Variants in CLIP1 observed in about 807,000 individuals in gnomAD.
CLIP1 encodes CAP-Gly domain containing linker protein 1, also known as CAP-Gly domain-containing linker protein 1.
A neutral mutation model predicts 161.6 loss-of-function variants in CLIP1; 66 were observed. That is an observed-to-expected ratio of 0.41 (90% CI 0.33 to 0.50). CLIP1 has a LOEUF of 0.50. Ranked by LOEUF, CLIP1 falls within the 20% of genes least tolerant of loss-of-function variation. The pLI, the probability that CLIP1 is intolerant of heterozygous loss-of-function variation, is 0.27. For synonymous variants in CLIP1, 598 were observed against 626.2 expected, an observed-to-expected ratio of 0.96 and a Z score of 0.67; for missense variants, 1,376 against 1,702.0, an observed-to-expected ratio of 0.81 and a Z score of 3.37.
chr12:122,336,692 C>T lies in CLIP1; in HGVS notation c.2508G>A (p.Gln836=), dbSNP rs758801171. ...CTTGACTGACTTCACTCAAATTTTCCTGAAGGTTAGTAAGCTTTAGCTCTC... is the reference window on the plus strand; with the variant it reads ...CTTGACTGACTTCACTCAAATTTTCTTGAAGGTTAGTAAGCTTTAGCTCTC... ...QGRELKLTNL[Q]ENLSEVSQVK... Residue 836 remains glutamine, a synonymous_variant, in exon 12 of 26, where the codon CAG becomes CAA. Transcript: ENST00000620786. 1 of 1,612,568 alleles carries T rather than the reference C, an allele frequency of 6.2e-7. No individual in the cohort carries two copies. The highest frequency in any genetic ancestry group is 1.1e-5 in the South Asian group (1 of 90,970).
chr12:122,330,607 T>G (rs927716817), intron 15 of CLIP1, among the ~76,000 whole-genome samples: 1 of 141,554 alleles, frequency 7.1e-6, no homozygotes, highest in Non-Finnish European at 1.5e-5. Flanking sequence ...GTTTTTTTTT[T>G]TTTTTTTTTT....
chr12:122,415,134 A>C, intron 1 of CLIP1, among the ~76,000 whole-genome samples: 1 of 152,180 alleles, frequency 6.6e-6, no homozygotes, highest in Non-Finnish European at 1.5e-5. Flanking sequence ...CTAAACAGCT[A>C]TCTAAAAACT....
chr12:122,349,436 C>T (rs2136423050), intron 9 of CLIP1, among the ~76,000 whole-genome samples: 1 of 152,344 alleles, frequency 6.6e-6, no homozygotes, highest in Non-Finnish European at 1.5e-5. Context: ...GCTGGGATTA[C>T]AGGCATGCGC....
chr12:122,286,455 G>C, intron 21 of CLIP1, among the ~76,000 whole-genome samples: 1 of 140,798 alleles, frequency 7.1e-6, no homozygotes, highest in East Asian at 2.2e-4. Flanking sequence ...AGGTGGGGAG[G>C]TTGCAGTGAG....
At chr12:122,389,765 A>AAAAAAG (rs1206874796) in intron 1 of CLIP1, among the ~76,000 whole-genome samples, 6 of 88,852 alleles carry the variant, frequency 6.8e-5, no homozygotes, top group African/African-American at 2.2e-4. Context: ...TCTCAAAAAA[A>AAAAAAG]AAAAAAAAAA....
chr12:122,349,899 T>G lies in CLIP1; in HGVS notation c.1401+1212A>C, dbSNP rs867667702. Among the ~76,000 whole-genome samples, 650 of 73,968 alleles carry G rather than the reference T, an allele frequency of 8.8e-3. 3 individuals carry two copies. Among genetic ancestry groups the G allele is most frequent in the African/African-American group, 0.023 (609 of 26,134 alleles). 48.5% of individuals were successfully genotyped at this position (73,968 alleles called of 152,430 possible). ...ATTCAGTCTTGTGTTTTTTTGTTTT[T>G]TTTGTTTTTTTTGTTTTTTTTTGAG... is the stretch of plus-strand genomic sequence containing the variant. On this transcript the variant is annotated intron_variant, in intron 9 of 25. Coordinates refer to ENST00000620786, the MANE Select transcript of CLIP1 (RefSeq NM_001247997.2).
chr12:122,361,300 A>C, intron 4 of CLIP1, 119 bp from the exon 5 acceptor site: 1 of 844,224 alleles, frequency 1.2e-6, no homozygotes. Flanking sequence ...TTCTACAGCT[A>C]AGCTGGGGTT....
intron 9 of CLIP1, among the ~76,000 whole-genome samples, chr12:122,349,869 A>T (rs1040776952): frequency 7.3e-5 from 11 of 151,698 alleles, no homozygotes; most frequent in Non-Finnish European, 1.6e-4. Context: ...AAGACCTTTT[A>T]AAAAATTCAG....
At chr12:122,410,528 G>A (rs1343655129) in intron 1 of CLIP1, among the ~76,000 whole-genome samples, 4 of 147,140 alleles carry the variant, frequency 2.7e-5, no homozygotes, top group Non-Finnish European at 5.9e-5. Context: ...GCGCAATCTC[G>A]GCTCACTGCA....
chr12:122,384,536 C>T (rs1414383928), intron 1 of CLIP1, among the ~76,000 whole-genome samples: 3 of 151,898 alleles, frequency 2.0e-5, no homozygotes, highest in Non-Finnish European at 4.4e-5. Flanking sequence ...CTGAGGTGGG[C>T]GGATCACCTG....
intron 21 of CLIP1, among the ~76,000 whole-genome samples, chr12:122,285,376 G>A (rs533355590): frequency 7.2e-5 from 11 of 152,214 alleles, no homozygotes; most frequent in African/African-American, 2.4e-4. Flanking sequence ...GCAGGCACAT[G>A]CCACCATGCC....
chr12:122,279,277 G>C lies in CLIP1; in HGVS notation c.3648-132C>G. On this transcript the variant is annotated intron_variant, in intron 21 of 25. Transcript: ENST00000620786. The surrounding 1 kb of genome is among the most constrained non-coding windows in gnomAD (Gnocchi z 4.5). ...AAATATAACAGGGAAGTTTTATAGG[G>C]AGTTAAGGCCATTATGCTCACAAAA... 1.7e-6 allele frequency: 1 copy of C among 586,308 alleles called. No individual in the cohort carries two copies. Among genetic ancestry groups the C allele is most frequent in the South Asian group, 2.8e-5 (1 of 35,610 alleles). 36.3% of individuals were successfully genotyped at this position (586,308 alleles called of 1,614,324 possible). A position where few individuals can be genotyped will look rare whatever the true frequency, so the allele number is the denominator to read the frequency against.
Position 122,274,152 on chromosome 12 carries a change from A to G in CLIP1, c.3977T>C (p.Leu1326Pro). Residue 1326 changes from leucine to proline, a missense_variant, in exon 25 of 26, where the codon CTA becomes CCA. Physicochemically the swap from Leu to Pro is moderately conservative, Grantham distance 98. Transcript: ENST00000620786. ...ERAQESQIDF[L>P]NSVIVDLQRK... ...TTGAAGGTCCACTATTACTGAATTT[A>G]GGAAATCAATCTGATTTGTTAAAAA... 1 of 1,596,904 alleles carries G rather than the reference A, an allele frequency of 6.3e-7. No homozygotes were observed. Among genetic ancestry groups the G allele is most frequent in the Non-Finnish European group, 8.6e-7 (1 of 1,164,556 alleles).
chr12:122,363,091 T>C (rs1001289515), intron 4 of CLIP1, among the ~76,000 whole-genome samples: 5 of 152,238 alleles, frequency 3.3e-5, no homozygotes, highest in Non-Finnish European at 7.3e-5. Flanking sequence ...ATACTACTAA[T>C]AATGCATCAT....
Position 122,279,123 on chromosome 12 carries a change from C to A in CLIP1, c.3670G>T (p.Ala1224Ser), listed in dbSNP as rs17881033. 10,937 of 1,611,020 alleles carry A rather than the reference C, an allele frequency of 6.8e-3. 43 individuals are homozygous for A. The highest frequency in any genetic ancestry group is 8.1e-3 in the Non-Finnish European group (9,513 of 1,178,916). ...KKRESKFIKD[A>S]DEEKASLQKS... ...TGCAAGGAAGCTTTCTCTTCATCTG[C>A]GTCTTTTATGAACTTGGATTCTCTA... is the stretch of plus-strand genomic sequence containing the variant. Residue 1224 changes from alanine (A) to serine (S), a missense_variant, in exon 22 of 26, where the codon GCA becomes TCA. By Grantham distance (99) the Ala-to-Ser change is moderately conservative. This residue lies in a region of CLIP1 where 948 missense variants were observed against 1,134.8 expected (regional missense o/e 0.84). Coordinates refer to ENST00000620786, the MANE Select transcript of CLIP1 (RefSeq NM_001247997.2). This position sits in a 1 kb window ranked among gnomAD's most constrained non-coding sequence, Gnocchi z 4.5.
intron 20 of CLIP1, among the ~76,000 whole-genome samples, chr12:122,307,898 CTTCT>C (rs1418389075): frequency 1.3e-5 from 2 of 152,192 alleles, no homozygotes; most frequent in East Asian, 1.9e-4. Context: ...ATTATTTCTC[CTTCT>C]GAGTTACATA....
intron 25 of CLIP1, among the ~76,000 whole-genome samples, chr12:122,273,516 G>A (rs1955261389): frequency 6.6e-6 from 1 of 152,144 alleles, no homozygotes; most frequent in African/African-American, 2.4e-5. Flanking sequence ...CTCCCAAAGT[G>A]CTGGGATTAC....
intron 20 of CLIP1, among the ~76,000 whole-genome samples, chr12:122,303,094 C>G (rs1206418922): frequency 6.6e-6 from 1 of 152,164 alleles, no homozygotes; most frequent in Non-Finnish European, 1.5e-5. Flanking sequence ...ATTTAGTAGT[C>G]TTGATCTGGT....
rs12313660 is a variant in CLIP1, at chr12:122,278,976, T to C, written c.3766-34A>G. The C allele has an allele frequency of 3.7e-3, 6,002 of 1,605,392 alleles. 168 individuals carry two copies. In the African/African-American group the frequency reaches 0.067, roughly 18 times the overall value. On this transcript the variant is annotated intron_variant, in intron 22 of 25. Coordinates refer to ENST00000620786, the MANE Select transcript of CLIP1 (RefSeq NM_001247997.2). ...CAGTTGTTTAGCTTAGGCTGAGGGT[T>C]TGAACGAAAGGAGGCCGCGTGAAAG...
Sources: gnomAD v4.1 joint callset for allele counts (sites outside exome capture counted in the v4.1 genomes callset) on GRCh38, gnomAD v4.1.1 for gene constraint, gnomAD v4.1.1 regional missense constraint, Gnocchi (gnomAD v3.1) non-coding constraint, MANE v1.5 for transcripts, NCBI Gene and HGNC (gene_info 2026-07-23, HGNC 2026-07-21) for gene names.